Variants in FAM168A observed in about 807,000 individuals in gnomAD.
The protein encoded by FAM168A is protein FAM168A.
A neutral mutation model predicts 28.5 loss-of-function variants in FAM168A; 3 were observed. The observed-to-expected ratio is 0.11, with a 90% CI of 0.05 to 0.27. FAM168A has a LOEUF of 0.27. Ranked by LOEUF, FAM168A falls within the 10% of genes least tolerant of loss-of-function variation. The pLI is 1.00. For synonymous variants in FAM168A, 122 were observed against 124.2 expected (o/e 0.98, Z 0.12); for missense variants, 222 against 311.5 (o/e 0.71, Z 2.16).
In FAM168A at chr11:73,434,468, T is replaced by C. The variant is rs1867054241; in HGVS notation, c.71-3698A>G. 2.0e-5 allele frequency among the ~76,000 whole-genome samples: 3 copies of C among 152,022 alleles called. 1 individual carries two copies. The South Asian group carries it at 6.2e-4, about 32-fold the overall frequency. On this transcript the variant is annotated intron_variant, in intron 2 of 7. Coordinates refer to ENST00000356467, the MANE Select transcript of FAM168A (RefSeq NM_015159.3). Reference sequence around the variant, plus strand: ...TATTTTTGCAAAGGCTTAAAGGAAATGATAGTGTTAAGCAGATAGCTGAAG... The same window carrying C: ...TATTTTTGCAAAGGCTTAAAGGAAACGATAGTGTTAAGCAGATAGCTGAAG...
intron 3 of FAM168A, among the ~76,000 whole-genome samples, chr11:73,420,658 T>C (rs140843363): frequency 6.6e-6 from 1 of 152,318 alleles, no homozygotes; most frequent in East Asian, 1.9e-4. Flanking sequence ...CCTGAATATC[T>C]CCTACTGAGG....
At chr11:73,575,009 T>A (rs2134726608) in intron 1 of FAM168A, among the ~76,000 whole-genome samples, 1 of 150,202 alleles carries the variant, frequency 6.7e-6, no homozygotes, top group African/African-American at 2.5e-5. Flanking sequence ...ACATTAACCC[T>A]AACATCCCTG....
chr11:73,545,602 T>A (rs1565292349), intron 1 of FAM168A, among the ~76,000 whole-genome samples: 3 of 152,058 alleles, frequency 2.0e-5, no homozygotes, highest in Admixed American at 6.6e-5. Flanking sequence ...ATGAATTATA[T>A]CTCAGTAAAG....
Position 73,559,580 on chromosome 11 carries a change from T to C in FAM168A, c.-19+38343A>G, listed in dbSNP as rs561864552. Among the ~76,000 whole-genome samples, 37 of 152,248 alleles carry C rather than the reference T, an allele frequency of 2.4e-4. No homozygotes were observed. In the South Asian group the frequency reaches 6.8e-3, roughly 28 times the overall value. Reference sequence around the variant, plus strand: ...TTTCTTTTATATAAAATATTTACAATTGGTAAATCCATAGAGATGAAAAGC... The same window carrying C: ...TTTCTTTTATATAAAATATTTACAACTGGTAAATCCATAGAGATGAAAAGC... On this transcript the variant is annotated intron_variant, in intron 1 of 7. Coordinates refer to ENST00000356467, the MANE Select transcript of FAM168A (RefSeq NM_015159.3).
chr11:73,568,515 G>A (rs1355434650), intron 1 of FAM168A, among the ~76,000 whole-genome samples: 1 of 152,198 alleles, frequency 6.6e-6, no homozygotes, highest in Non-Finnish European at 1.5e-5. Context: ...GCTATGCTAT[G>A]ACATGACTGT....
chr11:73,493,003 C>T (rs1854782869), intron 1 of FAM168A, among the ~76,000 whole-genome samples: 1 of 152,084 alleles, frequency 6.6e-6, no homozygotes, highest in African/African-American at 2.4e-5. Context: ...AAGATGGCAA[C>T]AACAGACCTT....
At chr11:73,523,636 G>A (rs1248818245) in intron 1 of FAM168A, among the ~76,000 whole-genome samples, 1 of 152,014 alleles carries the variant, frequency 6.6e-6, no homozygotes, top group African/African-American at 2.4e-5. Flanking sequence ...TGTAGGGACG[G>A]GGTTTCGCCA....
intron 1 of FAM168A, among the ~76,000 whole-genome samples, chr11:73,572,117 G>A (rs1279561434): frequency 6.6e-6 from 1 of 152,012 alleles, no homozygotes; most frequent in Admixed American, 6.5e-5. Context: ...TCTGGGAAGT[G>A]AGGAGCGTTT....
chr11:73,525,185 T>G (rs1273566746), intron 1 of FAM168A, among the ~76,000 whole-genome samples: 1 of 152,166 alleles, frequency 6.6e-6, no homozygotes, highest in East Asian at 1.9e-4. Flanking sequence ...TTCTCAAATA[T>G]CAGGTGATCT....
chr11:73,540,070 C>T (rs1434072127), intron 1 of FAM168A, among the ~76,000 whole-genome samples: 1 of 152,208 alleles, frequency 6.6e-6, no homozygotes, highest in African/African-American at 2.4e-5. Context: ...TCATCAACTT[C>T]TAAATCATTT....
At chr11:73,437,400 C>CTTT (rs747204512) in intron 2 of FAM168A, among the ~76,000 whole-genome samples, 3,592 of 103,434 alleles carry the variant, frequency 0.035, 147 homozygotes, top group Non-Finnish European at 0.049. Flanking sequence ...CCCGGCCACT[C>CTTT]TTTTTTTTTT....
intron 2 of FAM168A, among the ~76,000 whole-genome samples, chr11:73,460,957 AG>A (rs1308138237): frequency 6.6e-6 from 1 of 152,262 alleles, no homozygotes; most frequent in African/African-American, 2.4e-5. Flanking sequence ...TAAGGTGAGC[AG>A]AAAGAGAACT....
chr11:73,577,167 G>A (rs7128786), intron 1 of FAM168A, among the ~76,000 whole-genome samples: 10,415 of 152,154 alleles, frequency 0.068, 1,046 homozygotes, highest in African/African-American at 0.22. Flanking sequence ...TGAAGCTAGC[G>A]TCACTGGGCA....
intron 2 of FAM168A, among the ~76,000 whole-genome samples, chr11:73,448,019 T>C (rs1337806003): frequency 6.6e-6 from 1 of 152,182 alleles, no homozygotes. Context: ...AAATCCAGTA[T>C]TATTACTTAT....
At chr11:73,439,879 C>CTTTTT (rs761818483) in intron 2 of FAM168A, among the ~76,000 whole-genome samples, 85 of 96,998 alleles carry the variant, frequency 8.8e-4, no homozygotes, top group Non-Finnish European at 1.0e-3. Flanking sequence ...TCTCAGGTCA[C>CTTTTT]TTTTTTTTTT....
chr11:73,462,058 G>C (rs1335761507), intron 2 of FAM168A, among the ~76,000 whole-genome samples: 3 of 152,142 alleles, frequency 2.0e-5, no homozygotes, highest in Non-Finnish European at 2.9e-5. Flanking sequence ...CAGTATGGCA[G>C]TTCCTCAAAA....
intron 1 of FAM168A, among the ~76,000 whole-genome samples, chr11:73,537,728 T>C (rs1361086855): frequency 2.0e-5 from 3 of 152,220 alleles, no homozygotes; most frequent in Non-Finnish European, 1.5e-5. Context: ...AGGTCTTCTT[T>C]AAGCACACAA....
rs187274412 is a variant in FAM168A, at chr11:73,548,805, C to T, written c.-19+49118G>A. On this transcript the variant is annotated intron_variant, in intron 1 of 7. Coordinates refer to ENST00000356467, the MANE Select transcript of FAM168A (RefSeq NM_015159.3). ...ACAGGTGTGCGCCACCAAGGCCAGA[C>T]AATTTTTTTTTGTAAAGGTGGGGTC... Among the ~76,000 whole-genome samples, 237 of 151,912 alleles carry T rather than the reference C, an allele frequency of 1.6e-3. 1 individual carries two copies. Among genetic ancestry groups the T allele is most frequent in the African/African-American group, 5.3e-3 (218 of 41,438 alleles).
chr11:73,492,239 T>C (rs758926376), intron 1 of FAM168A, among the ~76,000 whole-genome samples: 5 of 152,058 alleles, frequency 3.3e-5, no homozygotes, highest in African/African-American at 4.8e-5. Flanking sequence ...AAGATCAAGA[T>C]AGACAAAAAA....
Sources: gnomAD v4.1 joint callset for allele counts (sites outside exome capture counted in the v4.1 genomes callset) on GRCh38, gnomAD v4.1.1 for gene constraint, MANE v1.5 for transcripts, NCBI Gene and HGNC (gene_info 2026-07-23, HGNC 2026-07-21) for gene names.